The following COL23A1 variants were observed in gnomAD, a reference collection of about 807,000 sequenced individuals.
COL23A1 encodes collagen type XXIII alpha 1 chain, also known as collagen alpha-1(XXIII) chain.
In COL23A1, 97 loss-of-function variants were observed where a neutral mutation model predicts 99.3. That is an observed-to-expected ratio of 0.98 (90% confidence interval 0.83 to 1.16). COL23A1 has a LOEUF of 1.16. Ranked by LOEUF, COL23A1 falls within the 50% of genes most tolerant of loss-of-function variation. The probability of loss-of-function intolerance (pLI) is 0.00; values close to 1 mark genes in which losing one functional copy is unlikely to be tolerated. For synonymous variants in COL23A1, 320 were observed against 308.2 expected, an observed-to-expected ratio of 1.04 and a Z score of -0.40; for missense variants, 762 against 757.4, an observed-to-expected ratio of 1.01 and a Z score of -0.07.
At chr5:178,369,568 G>A (rs1247249206) in intron 2 of COL23A1, among the ~76,000 whole-genome samples, 8 of 152,176 alleles carry the variant, frequency 5.3e-5, no homozygotes. Context: ...CCCAGTGGGA[G>A]GTAATTGAAT....
chr5:178,423,698 G>A (rs763793589), intron 2 of COL23A1, among the ~76,000 whole-genome samples: 3 of 152,094 alleles, frequency 2.0e-5, no homozygotes, highest in Non-Finnish European at 2.9e-5. Flanking sequence ...ACTCTAGCAC[G>A]GCAGTCCTGT....
chr5:178,497,729 C>T (rs1324415656), intron 2 of COL23A1, among the ~76,000 whole-genome samples: 1 of 152,064 alleles, frequency 6.6e-6, no homozygotes, highest in Non-Finnish European at 1.5e-5. Flanking sequence ...GAAATAAAAA[C>T]ATTTAATGGG....
rs140057828 is a variant in COL23A1 at position 178,244,330 on chromosome 5, C to G, written c.1440+1612G>C. The stretch of plus-strand genomic sequence containing the variant: ...TAAAGTCTAGGGTGGGCACCAGAGT[C>G]CTTGCAGCCCTGCATCTGGGCCTAT... On this transcript the variant is annotated intron_variant, in intron 25 of 28. Coordinates refer to ENST00000390654, the MANE Select transcript of COL23A1 (RefSeq NM_173465.4). Among the ~76,000 whole-genome samples the G allele has an allele frequency of 3.6e-3, 550 of 152,264 alleles. 4 individuals are homozygous for G. The highest frequency in any genetic ancestry group is 0.012 in the African/African-American group (518 of 41,550).
intron 25 of COL23A1, among the ~76,000 whole-genome samples, chr5:178,243,169 G>A (rs960943013): frequency 2.3e-4 from 33 of 146,012 alleles, no homozygotes; most frequent in African/African-American, 7.3e-4. Context: ...TGGCCTGGGC[G>A]ACAGAGCGGG....
intron 2 of COL23A1, among the ~76,000 whole-genome samples, chr5:178,414,510 G>A (rs1485099111): frequency 6.6e-6 from 1 of 152,102 alleles, no homozygotes; most frequent in Non-Finnish European, 1.5e-5. Flanking sequence ...GGTGGCTCAC[G>A]CCTGTGATCC....
chr5:178,246,726 GGC>G (rs1412798559), intron 22 of COL23A1, among the ~76,000 whole-genome samples: 6 of 29,718 alleles, frequency 2.0e-4, no homozygotes, highest in East Asian at 1.9e-3. Flanking sequence ...GCAGACGGGG[GGC>G]GGGGGGGGGG....
chr5:178,308,040 T>G lies in COL23A1; in HGVS notation c.362-1121A>C, dbSNP rs1758460811. 6.6e-6 allele frequency among the ~76,000 whole-genome samples: 1 copy of G among 152,090 alleles called. No homozygotes were observed. The highest frequency in any genetic ancestry group is 2.1e-4 in the South Asian group (1 of 4,824). On this transcript the variant is annotated intron_variant, in intron 2 of 28. Coordinates refer to ENST00000390654, the MANE Select transcript of COL23A1 (RefSeq NM_173465.4). The surrounding 1 kb of genome is among the most constrained non-coding windows in gnomAD (Gnocchi z 5.1). ...GTGTCTGTTTGCATGTGTCTGTGTG[T>G]GTCTCTATGTATGTGTGTTTGTGTG...
intron 3 of COL23A1, among the ~76,000 whole-genome samples, chr5:178,296,692 G>A (rs1431218929): frequency 6.6e-6 from 1 of 152,026 alleles, no homozygotes; most frequent in Non-Finnish European, 1.5e-5. Context: ...AGTCCCGTAG[G>A]ACCCTAAACC....
Position 178,270,436 on chromosome 5 carries a change from G to A in COL23A1, c.442-73C>T, listed in dbSNP as rs2127563833. 1.9e-6 allele frequency: 3 copies of A among 1,561,052 alleles called. No individual in the cohort carries two copies. In the East Asian group the frequency reaches 6.8e-5, roughly 35 times the overall value. Reference sequence around the variant, plus strand: ...TTCCTCCATGTCTTATGACCCAGGTGCACTATTCAGTGACAAGAAAACAAA... The same window carrying A: ...TTCCTCCATGTCTTATGACCCAGGTACACTATTCAGTGACAAGAAAACAAA... On this transcript the variant is annotated intron_variant, in intron 5 of 28. Transcript: ENST00000390654.
chr5:178,381,978 G>A (rs1461187713), intron 2 of COL23A1, among the ~76,000 whole-genome samples: 1 of 152,214 alleles, frequency 6.6e-6, no homozygotes, highest in Non-Finnish European at 1.5e-5. Context: ...GCCCCCTCCG[G>A]TGGGAATCCT....
Position 178,570,371 on chromosome 5 carries a change from G to A in COL23A1, c.295-9623C>T, listed in dbSNP as rs550825009. 2.6e-4 allele frequency among the ~76,000 whole-genome samples: 40 copies of A among 152,102 alleles called. No individual in the cohort carries two copies. In the South Asian group the frequency reaches 6.2e-3, roughly 24 times the overall value. On this transcript the variant is annotated intron_variant, in intron 1 of 28. Coordinates refer to ENST00000390654, the MANE Select transcript of COL23A1 (RefSeq NM_173465.4). ...TGATCTGTGCCTGCCTCGGCCTCCCGAAGTGCTGGGATTATAGGTGTGAGC... is the reference window on the plus strand; with the variant it reads ...TGATCTGTGCCTGCCTCGGCCTCCCAAAGTGCTGGGATTATAGGTGTGAGC...
At chr5:178,248,827 G>C (rs1016615240) in intron 19 of COL23A1, among the ~76,000 whole-genome samples, 1 of 152,200 alleles carries the variant, frequency 6.6e-6, no homozygotes, top group Non-Finnish European at 1.5e-5. Context: ...GGGCAGTTTA[G>C]GTCAGAGCAC....
At chr5:178,576,889 G>A (rs1763392917) in intron 1 of COL23A1, among the ~76,000 whole-genome samples, 1 of 151,766 alleles carries the variant, frequency 6.6e-6, no homozygotes, top group Admixed American at 6.6e-5. Flanking sequence ...TTCGGCTTTG[G>A]ACCAGGCGAG....
chr5:178,400,341 T>C (rs1224980886), intron 2 of COL23A1, among the ~76,000 whole-genome samples: 1 of 114,796 alleles, frequency 8.7e-6, no homozygotes, highest in African/African-American at 3.5e-5. Context: ...CACTCCAGCC[T>C]GGGCGACAGA....
chr5:178,294,485 C>CCCCAAATCACTACCGAGCTCCCT lies in COL23A1; in HGVS notation c.407-4139_407-4117dup, dbSNP rs1321760859. Among the ~76,000 whole-genome samples the CCCCAAATCACTACCGAGCTCCCT allele has an allele frequency of 1.3e-4, 13 of 101,828 alleles. 1 individual carries two copies. The highest frequency in any genetic ancestry group is 3.4e-4 in the African/African-American group (8 of 23,392). The allele number at this position is 101,828 out of a possible 152,430, so 66.8% of individuals were successfully genotyped here. A position where few individuals can be genotyped will look rare whatever the true frequency, so the allele number is the denominator to read the frequency against. On this transcript the variant is annotated intron_variant, in intron 3 of 28. Coordinates refer to ENST00000390654, the MANE Select transcript of COL23A1 (RefSeq NM_173465.4). Reference sequence around the variant, plus strand: ...TCCCCAAATCACTACCGAGCTCCCTCCCCAAATCACTACCGAGCTCCCTCC... The same window carrying CCCCAAATCACTACCGAGCTCCCT: ...TCCCCAAATCACTACCGAGCTCCCTCCCCAAATCACTACCGAGCTCCCTCCCAAATCACTACCGAGCTCCCTCC...
intron 8 of COL23A1, among the ~76,000 whole-genome samples, chr5:178,266,212 T>C (rs1327765734): frequency 6.6e-6 from 1 of 152,046 alleles, no homozygotes; most frequent in East Asian, 1.9e-4. Flanking sequence ...GGCTAATTTT[T>C]GTATTTTTAG....
intron 3 of COL23A1, among the ~76,000 whole-genome samples, chr5:178,298,912 T>C (rs1000289010): frequency 6.6e-6 from 1 of 152,254 alleles, no homozygotes; most frequent in Admixed American, 6.5e-5. Flanking sequence ...AAATGCTTTA[T>C]CTGCATTTAC....
chr5:178,284,945 C>T (rs2127580346), intron 5 of COL23A1, among the ~76,000 whole-genome samples: 1 of 152,052 alleles, frequency 6.6e-6, no homozygotes, highest in African/African-American at 2.4e-5. Context: ...CTGTGAGTGG[C>T]AGAATTAGAG....
intron 1 of COL23A1, among the ~76,000 whole-genome samples, chr5:178,576,905 C>T (rs1763394279): frequency 6.6e-6 from 1 of 151,816 alleles, no homozygotes; most frequent in Non-Finnish European, 1.5e-5. Context: ...GCGAGCAGCG[C>T]GGCGCTGGCC....
Sources: gnomAD v4.1 joint callset for allele counts (sites outside exome capture counted in the v4.1 genomes callset) on GRCh38, gnomAD v4.1.1 for gene constraint, Gnocchi (gnomAD v3.1) non-coding constraint, MANE v1.5 for transcripts, NCBI Gene and HGNC (gene_info 2026-07-23, HGNC 2026-07-21) for gene names.